COPG2: variants seen among roughly 807,000 people sequenced by gnomAD.
COPG2 encodes coatomer subunit gamma-2.
COPG2 carries 37 observed loss-of-function variants against 46.3 expected under a neutral mutation model. The ratio of observed to expected loss-of-function variants is 0.80; its 90% CI spans 0.61 to 1.05. The LOEUF (loss-of-function observed/expected upper bound fraction) is 1.05, where lower values mean the gene tolerates loss of function less well. Ranked by LOEUF, COPG2 falls within the 50% of genes least tolerant of loss-of-function variation. COPG2 has a pLI of 0.00. For missense variants in COPG2, 427 were observed against 387.8 expected (o/e 1.10, Z -0.85); for synonymous variants, 159 against 129.7 (o/e 1.23, Z -1.53).
At chr7:130,569,110 CATAA>C (rs1472260785) in intron 9 of COPG2, among the ~76,000 whole-genome samples, 2 of 152,074 alleles carry the variant, frequency 1.3e-5, no homozygotes, top group East Asian at 3.9e-4. Context: ...TCTGAAAGAG[CATAA>C]ATAGATGATC....
chr7:130,613,815 G>A (rs548574406), intron 6 of COPG2, among the ~76,000 whole-genome samples, 179 bp from the exon 7 acceptor site: 104 of 152,256 alleles, frequency 6.8e-4, no homozygotes, highest in Admixed American at 1.8e-3. Flanking sequence ...CCCAAACAAC[G>A]AAGTTGAAGC....
intron 20 of COPG2, among the ~76,000 whole-genome samples, chr7:130,535,859 C>T (rs985051010): frequency 4.6e-5 from 7 of 151,824 alleles, no homozygotes; most frequent in Admixed American, 2.0e-4. Flanking sequence ...CATCTGAGTC[C>T]GGCAAAAGAA....
At chr7:130,587,285 C>T (rs1237141283) in intron 9 of COPG2, among the ~76,000 whole-genome samples, 3 of 151,482 alleles carry the variant, frequency 2.0e-5, no homozygotes, top group African/African-American at 4.9e-5. Flanking sequence ...CCAGCCTGGG[C>T]GATAGAGTGA....
intron 9 of COPG2, among the ~76,000 whole-genome samples, chr7:130,578,991 C>T (rs1159037271): frequency 7.1e-6 from 1 of 140,158 alleles, no homozygotes; most frequent in Non-Finnish European, 1.5e-5. Context: ...TCAGGAAATA[C>T]AGAGAACGCC....
chr7:130,537,092 C>T (rs1477562334), intron 20 of COPG2, among the ~76,000 whole-genome samples: 1 of 151,512 alleles, frequency 6.6e-6, no homozygotes, highest in Non-Finnish European at 1.5e-5. Context: ...GCATTCGTAC[C>T]GGGGGGACGA....
In COPG2 at chr7:130,645,294, C is replaced by T. The variant is rs527437506; in HGVS notation, c.323+7575G>A. 1.1e-5 allele frequency: 7 copies of T among 616,286 alleles called. No homozygotes were observed. The East Asian group carries it at 2.4e-4, about 21-fold the overall frequency. The allele number at this position is 616,286 out of a possible 1,614,324, so 38.2% of individuals were successfully genotyped here. A position where few individuals can be genotyped will look rare whatever the true frequency, so the allele number is the denominator to read the frequency against. On this transcript the variant is annotated intron_variant, in intron 5 of 23. Transcript: ENST00000425248. Reference sequence around the variant, plus strand: ...CCTGGGGGGCCACAAAATACTCCTTCACGACGCAATGGGAGTTTTGTAGTA... The same window carrying T: ...CCTGGGGGGCCACAAAATACTCCTTTACGACGCAATGGGAGTTTTGTAGTA...
At chr7:130,655,120 A>G (rs1795824525) in intron 4 of COPG2, among the ~76,000 whole-genome samples, 1 of 151,968 alleles carries the variant, frequency 6.6e-6, no homozygotes, top group East Asian at 1.9e-4. Context: ...TTTATAGATA[A>G]TATTTCCTGT....
intron 5 of COPG2, among the ~76,000 whole-genome samples, chr7:130,640,097 CACAA>C (rs781902291): frequency 1.3e-4 from 20 of 149,418 alleles, no homozygotes; most frequent in South Asian, 2.1e-4. Flanking sequence ...ACAAGAAAAA[CACAA>C]ACAAACAAAC....
At chr7:130,596,773 C>G (rs1030560389) in intron 9 of COPG2, among the ~76,000 whole-genome samples, 60 of 152,332 alleles carry the variant, frequency 3.9e-4, no homozygotes, top group African/African-American at 1.3e-3. Context: ...ATTAGAACCA[C>G]CAGCTCATTC....
intron 5 of COPG2, among the ~76,000 whole-genome samples, chr7:130,633,903 G>A (rs1162943423): frequency 1.3e-5 from 2 of 152,172 alleles, no homozygotes; most frequent in African/African-American, 4.8e-5. Flanking sequence ...TGTATAAGGT[G>A]TAAGAAAGGG....
In COPG2 at chr7:130,563,345, A is replaced by G; in HGVS notation, c.872-9T>C. ...ACAGAAAAGTTGAAGAACTAAAAAA[A>G]AATAATAATAATAATATGTAACATT... is the stretch of plus-strand genomic sequence containing the variant. On this transcript the variant is annotated splice_polypyrimidine_tract_variant and intron_variant, in intron 10 of 23. Coordinates refer to ENST00000425248, the MANE Select transcript of COPG2 (RefSeq NM_012133.6). The G allele has an allele frequency of 2.5e-6, 1 of 396,966 alleles. No individual in the cohort carries two copies. Among genetic ancestry groups the G allele is most frequent in the Non-Finnish European group, 4.4e-6 (1 of 225,342 alleles). 24.6% of individuals were successfully genotyped at this position (396,966 alleles called of 1,614,324 possible). A position where few individuals can be genotyped will look rare whatever the true frequency, so the allele number is the denominator to read the frequency against.
chr7:130,554,862 C>T (rs1425723313), intron 13 of COPG2, 138 bp from the exon 14 acceptor site: 8 of 397,408 alleles, frequency 2.0e-5, no homozygotes, highest in African/African-American at 1.6e-4. Flanking sequence ...GTTTTTTCTC[C>T]AAGTGGGGAA....
chr7:130,563,575 A>G (rs1793751956), intron 10 of COPG2, among the ~76,000 whole-genome samples: 1 of 151,700 alleles, frequency 6.6e-6, no homozygotes, highest in Admixed American at 6.6e-5. Flanking sequence ...TCACAGCATC[A>G]AAAATTTACA....
chr7:130,644,544 TA>T (rs1795554680), intron 5 of COPG2, among the ~76,000 whole-genome samples: 2 of 152,134 alleles, frequency 1.3e-5, no homozygotes, highest in African/African-American at 2.4e-5. Context: ...ACCATTTAAG[TA>T]GATGTAAAAG....
intron 6 of COPG2, 30 bp downstream of exon 6, chr7:130,616,960 T>C: frequency 2.0e-6 from 3 of 1,471,280 alleles, no homozygotes; most frequent in Non-Finnish European, 1.9e-6. Flanking sequence ...TAGTGTTCCA[T>C]TTGGTAACTC....
chr7:130,532,551 T>C (rs1026328590), intron 20 of COPG2, among the ~76,000 whole-genome samples: 23 of 151,386 alleles, frequency 1.5e-4, no homozygotes, highest in African/African-American at 5.3e-4. Context: ...CTGGGTGCAT[T>C]TGTGTGGATG....
At chr7:130,589,652 C>T (rs1280365320) in intron 9 of COPG2, among the ~76,000 whole-genome samples, 11 of 152,242 alleles carry the variant, frequency 7.2e-5, no homozygotes, top group African/African-American at 1.4e-4. Flanking sequence ...ATATTCTCAG[C>T]AATGTGGTAT....
intron 5 of COPG2, among the ~76,000 whole-genome samples, chr7:130,646,271 T>C (rs1341886637): frequency 1.3e-5 from 2 of 152,226 alleles, no homozygotes; most frequent in Non-Finnish European, 2.9e-5. Flanking sequence ...ATGTAGATGG[T>C]CTGCTGCTGA....
chr7:130,587,650 G>A (rs1794302435), intron 9 of COPG2, among the ~76,000 whole-genome samples: 1 of 152,098 alleles, frequency 6.6e-6, no homozygotes, highest in African/African-American at 2.4e-5. Context: ...ATTCAAGAGG[G>A]ATTAAAGACT....
Sources: allele counts gnomAD v4.1 joint callset (sites outside exome capture counted in the v4.1 genomes callset), GRCh38; gene constraint gnomAD v4.1.1; transcripts MANE v1.5; gene names NCBI Gene and HGNC (gene_info 2026-07-23, HGNC 2026-07-21).